Variants in RHO observed in about 807,000 individuals in gnomAD.
The protein encoded by RHO is rhodopsin.
RHO carries 21 observed loss-of-function variants against 31.2 expected under a neutral mutation model. The ratio of observed to expected loss-of-function variants is 0.67; its 90% CI spans 0.48 to 0.97. The LOEUF is 0.97. Ranked by LOEUF, RHO falls within the 50% of genes least tolerant of loss-of-function variation. RHO has a pLI of 0.00. For synonymous variants in RHO, 211 were observed against 196.6 expected (o/e 1.07, Z -0.61); for missense variants, 414 against 479.5 (o/e 0.86, Z 1.28).
chr3:129,533,516 C>T, intron 4 of RHO, 92 bp from the exon 5 acceptor site: 1 of 943,242 alleles, frequency 1.1e-6, no homozygotes, highest in Non-Finnish European at 1.7e-6. Flanking sequence ...GGGGCAGAAG[C>T]AGGCAAAGGG....
chr3:129,530,567 C>CACACACACAA (rs1257173881), intron 1 of RHO, among the ~76,000 whole-genome samples: 1 of 151,086 alleles, frequency 6.6e-6, no homozygotes, highest in East Asian at 1.9e-4. Flanking sequence ...CACACACACA[C>CACACACACAA]AAAACTCCCT....
intron 4 of RHO, among the ~76,000 whole-genome samples, chr3:129,533,259 G>T (rs1185233895): frequency 6.6e-6 from 1 of 152,214 alleles, no homozygotes; most frequent in Admixed American, 6.5e-5. Flanking sequence ...CCCTGGGCAA[G>T]TCAATTTCCT....
intron 4 of RHO, among the ~76,000 whole-genome samples, chr3:129,533,035 C>A (rs901802259): frequency 6.6e-6 from 1 of 152,082 alleles, no homozygotes; most frequent in Non-Finnish European, 1.5e-5. Context: ...GTGGGAGAAG[C>A]TCCAGTCAGC....
Position 129,528,832 on chromosome 3 carries a change from G to A in RHO, c.99G>A (p.Glu33=), listed in dbSNP as rs1232548343. The A allele has an allele frequency of 1.9e-6, 3 of 1,614,246 alleles. No individual in the cohort carries two copies. The highest frequency in any genetic ancestry group is 8.5e-7 in the Non-Finnish European group (1 of 1,180,046). ...AGTACCCACAGTACTACCTGGCTGAGCCATGGCAGTTCTCCATGCTGGCCG... is the reference window on the plus strand; with the variant it reads ...AGTACCCACAGTACTACCTGGCTGAACCATGGCAGTTCTCCATGCTGGCCG... The part of the protein sequence containing the change: ...PFEYPQYYLA[E]PWQFSMLAAY... Residue 33 remains glutamate, a synonymous_variant, in exon 1 of 5, where the codon GAG becomes GAA. Coordinates refer to ENST00000296271, the MANE Select transcript of RHO (RefSeq NM_000539.3).
chr3:129,530,533 A>AAAACACACACACACACACACACAC (rs2084771508), intron 1 of RHO, among the ~76,000 whole-genome samples: 1 of 122,898 alleles, frequency 8.1e-6, no homozygotes, highest in African/African-American at 4.1e-5. Context: ...ACACACACAC[A>AAAACACACACACACACACACACAC]ACACACACAC....
chr3:129,531,409 T>C (rs920274594), intron 2 of RHO, among the ~76,000 whole-genome samples: 1 of 152,202 alleles, frequency 6.6e-6, no homozygotes, highest in Non-Finnish European at 1.5e-5. Context: ...ACCTTCCTAG[T>C]GCAGGTGGCC....
At chr3:129,529,182 A>G (rs2084760076) in intron 1 of RHO, 88 bp downstream of exon 1, 1 of 1,487,254 alleles carries the variant, frequency 6.7e-7, no homozygotes, top group Non-Finnish European at 9.1e-7. Context: ...GGTGGCTGAG[A>G]GGCCTTCTCC....
intron 1 of RHO, among the ~76,000 whole-genome samples, chr3:129,530,506 AAC>A (rs146327704): frequency 0.014 from 1,844 of 132,112 alleles, 21 homozygotes; most frequent in Non-Finnish European, 0.017. Context: ...TCTTCTGCTA[AAC>A]ACACACACAC....
chr3:129,531,114 C>G, intron 2 of RHO, 70 bp downstream of exon 2: 3 of 1,565,038 alleles, frequency 1.9e-6, no homozygotes, highest in Non-Finnish European at 2.6e-6. Flanking sequence ...AGGACTCAAA[C>G]CCAGTAGTGT....
rs1003329675 is a variant in RHO, at chr3:129,534,812, C to G, written c.*1094C>G. ...GCATGGAGCCTCTAGAAGCCATGCT[C>G]ACCCGCCCACATTTAATTAACAGCT... On this transcript the variant is annotated 3_prime_UTR_variant, in exon 5 of 5. Transcript: ENST00000296271. 1.3e-5 allele frequency: 2 copies of G among 152,666 alleles called. No homozygotes were observed. The highest frequency in any genetic ancestry group is 2.9e-5 in the Non-Finnish European group (2 of 68,040). 9.5% of individuals were successfully genotyped at this position (152,666 alleles called of 1,614,324 possible). A position where few individuals can be genotyped will look rare whatever the true frequency, so the allele number is the denominator to read the frequency against.
chr3:129,529,036 A>C lies in RHO; in HGVS notation c.303A>C (p.Gly101=), dbSNP rs2108749309. Residue 101 remains glycine, a synonymous_variant, in exon 1 of 5, where the codon GGA becomes GGC. Coordinates refer to ENST00000296271, the MANE Select transcript of RHO (RefSeq NM_000539.3). ...GCACCCTCTACACCTCTCTGCATGG[A>C]TACTTCGTCTTCGGGCCCACAGGAT... ...FTSTLYTSLH[G]YFVFGPTGCN... 1 of 1,613,566 alleles carries C rather than the reference A, an allele frequency of 6.2e-7. No individual in the cohort carries two copies. Among genetic ancestry groups the C allele is most frequent in the Non-Finnish European group, 8.5e-7 (1 of 1,179,554 alleles).
Position 129,530,922 on chromosome 3 carries a change from C to G in RHO, c.408C>G (p.Tyr136Ter), listed in dbSNP as rs200248198. 6.2e-7 allele frequency: 1 copy of G among 1,614,122 alleles called. No individual in the cohort carries two copies. Among genetic ancestry groups the G allele is most frequent in the Admixed American group, 1.7e-5 (1 of 60,008 alleles). ...TGGTGGTCCTGGCCATCGAGCGGTA[C>G]GTGGTGGTGTGTAAGCCCATGAGCA... ...WSLVVLAIER[Y>*]VVVCKPMSNF... Residue 136 changes from tyrosine to a stop codon, truncating the protein, a stop_gained, in exon 2 of 5, where the codon TAC becomes TAG. Transcript: ENST00000296271. LOFTEE classifies it high-confidence loss of function.
At chr3:129,530,825 C>T in intron 1 of RHO, 51 bp from the exon 2 acceptor site, 1 of 1,612,868 alleles carries the variant, frequency 6.2e-7, no homozygotes, top group Non-Finnish European at 8.5e-7. Flanking sequence ...GGGGAGTGCA[C>T]CCTCCTTAGG....
chr3:129,530,290 G>A (rs574163826), intron 1 of RHO, among the ~76,000 whole-genome samples: 1 of 152,194 alleles, frequency 6.6e-6, no homozygotes, highest in South Asian at 2.1e-4. Context: ...GTGGTGAGCA[G>A]GACAGATGTC....
At chr3:129,530,524 C>CA (rs1431900174) in intron 1 of RHO, among the ~76,000 whole-genome samples, 1 of 131,668 alleles carries the variant, frequency 7.6e-6, no homozygotes, top group African/African-American at 3.9e-5. Flanking sequence ...CACACACACA[C>CA]ACACACACAA....
In RHO at chr3:129,532,321, G is replaced by T. The variant is rs781375897; in HGVS notation, c.601G>T (p.Glu201Ter). The T allele has an allele frequency of 6.2e-7, 1 of 1,614,014 alleles. No homozygotes were observed. The highest frequency in any genetic ancestry group is 8.5e-7 in the Non-Finnish European group (1 of 1,179,984). ...CACGCTCAAGCCGGAGGTCAACAAC[G>T]AGTCTTTTGTCATCTACATGTTCGT... ...YYTLKPEVNN[E>*]SFVIYMFVVH... The change falls in exon 3 of 5, where the codon GAG becomes TAG. Residue 201 changes from glutamate (E) to a stop codon, truncating the protein, a stop_gained. Transcript: ENST00000296271. LOFTEE classifies it high-confidence loss of function. This position sits in a 1 kb window ranked among gnomAD's most constrained non-coding sequence, Gnocchi z 5.5.
Position 129,535,061 on chromosome 3 carries a change from C to G in RHO, c.*1343C>G, listed in dbSNP as rs962948896. ...CAGAATTAAGCTGCCTCAGTAACTGCTCCCCCTTCTCCATATAAGCAAAGC... is the reference window on the plus strand; with the variant it reads ...CAGAATTAAGCTGCCTCAGTAACTGGTCCCCCTTCTCCATATAAGCAAAGC... On this transcript the variant is annotated 3_prime_UTR_variant, in exon 5 of 5. Transcript: ENST00000296271. 1.3e-5 allele frequency: 2 copies of G among 152,662 alleles called. No individual in the cohort carries two copies. The highest frequency in any genetic ancestry group is 4.8e-5 in the African/African-American group (2 of 41,444). 9.5% of individuals were successfully genotyped at this position (152,662 alleles called of 1,614,324 possible).
At position 129,532,891 on chromosome 3, in the gene RHO, G is replaced by T; in HGVS notation, c.936+119G>T. The T allele has an allele frequency of 7.3e-7, 1 of 1,360,924 alleles. No individual in the cohort carries two copies. The highest frequency in any genetic ancestry group is 1.2e-5 in the South Asian group (1 of 84,758). The allele number at this position is 1,360,924 out of a possible 1,614,324, so 84.3% of individuals were successfully genotyped here. Reference sequence around the variant, plus strand: ...ATCAGGGTTACTGGCAGCAGTCTTGGGTCAGCAGTCCCAATGGGGAGTGTG... The same window carrying T: ...ATCAGGGTTACTGGCAGCAGTCTTGTGTCAGCAGTCCCAATGGGGAGTGTG... On this transcript the variant is annotated intron_variant, in intron 4 of 4. Coordinates refer to ENST00000296271, the MANE Select transcript of RHO (RefSeq NM_000539.3). The surrounding 1 kb of genome is among the most constrained non-coding windows in gnomAD (Gnocchi z 5.5).
Position 129,532,750 on chromosome 3 carries a change from T to G in RHO, c.914T>G (p.Ile305Ser). 1 of 1,614,186 alleles carries G rather than the reference T, an allele frequency of 6.2e-7. No individual in the cohort carries two copies. The highest frequency in any genetic ancestry group is 1.1e-5 in the South Asian group (1 of 91,092). Residue 305 changes from isoleucine to serine, a missense_variant, in exon 4 of 5, where the codon ATC (isoleucine) becomes AGC (serine). By Grantham distance (142) the Ile-to-Ser change is moderately radical. Transcript: ENST00000296271. The surrounding 1 kb of genome is among the most constrained non-coding windows in gnomAD (Gnocchi z 5.5). ...AGCGCCGCCATCTACAACCCTGTCA[T>G]CTATATCATGATGAACAAGCAGGTG... Reference protein sequence around the residue: ...AKSAAIYNPVIYIMMNKQFRN... With the variant: ...AKSAAIYNPVSYIMMNKQFRN...
Sources: gnomAD v4.1 joint callset for allele counts (sites outside exome capture counted in the v4.1 genomes callset) on GRCh38, gnomAD v4.1.1 for gene constraint, Gnocchi (gnomAD v3.1) non-coding constraint, MANE v1.5 for transcripts, NCBI Gene and HGNC (gene_info 2026-07-23, HGNC 2026-07-21) for gene names.